Variants in IL3RA observed in about 807,000 individuals in gnomAD.
The protein encoded by IL3RA is interleukin 3 receptor subunit alpha.
Under a neutral mutation model 52.3 loss-of-function variants are expected in IL3RA, and 73 were observed. That is an observed-to-expected ratio of 1.40 (90% CI 1.16 to 1.70). IL3RA has a LOEUF of 1.70. IL3RA is among the 40% of genes most tolerant of loss of function. IL3RA has a pLI of 0.00. For missense variants in IL3RA, 664 were observed against 504.4 expected (o/e 1.32, Z -3.03); for synonymous variants, 260 against 194.0 (o/e 1.34, Z -2.83).
At chrX:1,376,623 C>G (rs1429687805) in intron 9 of IL3RA, among the ~76,000 whole-genome samples, 10 of 149,156 alleles carry the variant, frequency 6.7e-5, no homozygotes, top group Non-Finnish European at 4.4e-5. Flanking sequence ...CACGGAGGAA[C>G]AACCCTGTGA....
Position 1,381,072 on chromosome X carries a change from C to G in IL3RA, c.1030C>G (p.Pro344Ala). ...TCCCCGCATCCCTCACATGAAAGACCCCATCGGTGACAGCTTCCAAAACGA... is the reference window on the plus strand; with the variant it reads ...TCCCCGCATCCCTCACATGAAAGACGCCATCGGTGACAGCTTCCAAAACGA... ...LFPRIPHMKD[P>A]IGDSFQNDKL... Residue 344 changes from proline (P) to alanine (A), a missense_variant, in exon 11 of 12, where the codon CCC becomes GCC. Physicochemically the swap from Pro to Ala is conservative, Grantham distance 27. Coordinates refer to ENST00000331035, the MANE Select transcript of IL3RA (RefSeq NM_002183.4). The G allele has an allele frequency of 1.9e-6, 3 of 1,613,808 alleles. No homozygotes were observed. The highest frequency in any genetic ancestry group is 2.5e-6 in the Non-Finnish European group (3 of 1,179,792).
chrX:1,363,920 C>A (rs1482326746), intron 8 of IL3RA, among the ~76,000 whole-genome samples: 1 of 151,862 alleles, frequency 6.6e-6, no homozygotes, highest in South Asian at 2.1e-4. Context: ...CGGTGGCTCA[C>A]GCTGGTAATC....
intron 5 of IL3RA, 41 bp downstream of exon 5, chrX:1,352,273 C>A (rs758461410): frequency 3.0e-5 from 48 of 1,612,882 alleles, no homozygotes; most frequent in Non-Finnish European, 4.1e-5. Flanking sequence ...GTCCCTGGTG[C>A]GGGTGCCATC....
intron 6 of IL3RA, among the ~76,000 whole-genome samples, chrX:1,354,978 A>AAGGTGG (rs199770508): frequency 0.62 from 307 of 494 alleles, 105 homozygotes; most frequent in Middle Eastern, 1. Flanking sequence ...TGGGGGGAGG[A>AAGGTGG]AGGGGGAGGA....
chrX:1,339,449 T>C (rs1350755715), intron 1 of IL3RA, among the ~76,000 whole-genome samples: 1 of 152,142 alleles, frequency 6.6e-6, no homozygotes, highest in Non-Finnish European at 1.5e-5. Context: ...CCCTTCCATT[T>C]ATAATTTGGA....
intron 1 of IL3RA, among the ~76,000 whole-genome samples, chrX:1,338,809 G>GTT (rs34889196): frequency 6.0e-5 from 9 of 151,242 alleles, no homozygotes; most frequent in South Asian, 4.2e-4. Context: ...AGAAGTGGTG[G>GTT]TTTTTTTTGA....
intron 9 of IL3RA, among the ~76,000 whole-genome samples, chrX:1,367,801 G>T (rs1291390559): frequency 6.9e-6 from 1 of 144,138 alleles, no homozygotes; most frequent in Non-Finnish European, 1.5e-5. Flanking sequence ...GGGGTGCGCC[G>T]GGTGAGCGGG....
chrX:1,380,275 G>A (rs1273451051), intron 10 of IL3RA, among the ~76,000 whole-genome samples: 12 of 149,770 alleles, frequency 8.0e-5, no homozygotes, highest in Admixed American at 3.4e-4. Context: ...TGATCTGCCC[G>A]CCTGGGCCTC....
intron 6 of IL3RA, among the ~76,000 whole-genome samples, chrX:1,353,724 C>T (rs1330889499): frequency 1.5e-5 from 2 of 131,616 alleles, no homozygotes; most frequent in African/African-American, 6.1e-5. Context: ...TGGGTTCCAT[C>T]ATGGGTCATG....
intron 4 of IL3RA, among the ~76,000 whole-genome samples, chrX:1,351,779 A>C (rs1469238355): frequency 2.0e-5 from 3 of 149,416 alleles, no homozygotes; most frequent in Non-Finnish European, 3.0e-5. Context: ...CAGCGGCCCG[A>C]CATCACACCT....
chrX:1,368,587 T>C (rs2088365650), intron 9 of IL3RA, among the ~76,000 whole-genome samples: 2 of 152,096 alleles, frequency 1.3e-5, no homozygotes, highest in Non-Finnish European at 2.9e-5. Flanking sequence ...AGTTGGGGTG[T>C]TTAAAGAGGC....
chrX:1,351,947 T>C (rs1342961622), intron 4 of IL3RA, among the ~76,000 whole-genome samples, 153 bp from the exon 5 acceptor site: 3 of 151,974 alleles, frequency 2.0e-5, no homozygotes, highest in South Asian at 4.2e-4. Context: ...GCATTTTTAG[T>C]AGAGATTGGG....
chrX:1,342,163 TTTC>T (rs2085518851), intron 2 of IL3RA, among the ~76,000 whole-genome samples: 1 of 151,982 alleles, frequency 6.6e-6, no homozygotes, highest in South Asian at 2.1e-4. Context: ...ACTTTTTCAT[TTTC>T]TTATTATTTT....
At chrX:1,362,073 C>CCT (rs200801528) in intron 8 of IL3RA, among the ~76,000 whole-genome samples, 3,978 of 150,778 alleles carry the variant, frequency 0.026, 167 homozygotes, top group African/African-American at 0.091. Context: ...TCTCTGTCTC[C>CCT]GTTTCTATCT....
rs746096827 is a variant in IL3RA, at chrX:1,348,314, C to T, written c.184-117C>T. ...GCTGCAGTGAGCCGAGATCACGCCA[C>T]TGCACTCCAGCGTGGGCGACGAGAG... is the stretch of plus-strand genomic sequence containing the variant. On this transcript the variant is annotated intron_variant, in intron 3 of 11. Coordinates refer to ENST00000331035, the MANE Select transcript of IL3RA (RefSeq NM_002183.4). 26 of 795,290 alleles carry T rather than the reference C, an allele frequency of 3.3e-5. No homozygotes were observed. The East Asian group carries it at 3.7e-4, about 11-fold the overall frequency. The allele number at this position is 795,290 out of a possible 1,614,324, so 49.3% of individuals were successfully genotyped here. A position where few individuals can be genotyped will look rare whatever the true frequency, so the allele number is the denominator to read the frequency against.
chrX:1,346,216 A>C lies in IL3RA; in HGVS notation c.183+782A>C, dbSNP rs1354159627. On this transcript the variant is annotated intron_variant, in intron 3 of 11. Coordinates refer to ENST00000331035, the MANE Select transcript of IL3RA (RefSeq NM_002183.4). ...CACTTTGAGAGGCTGAGGCGGATGGATCACCTGGGGCCAGGAGTTCGAGAC... is the reference window on the plus strand; with the variant it reads ...CACTTTGAGAGGCTGAGGCGGATGGCTCACCTGGGGCCAGGAGTTCGAGAC... Among the ~76,000 whole-genome samples the C allele has an allele frequency of 1.8e-4, 28 of 152,000 alleles. 2 individuals are homozygous for C. The highest frequency in any genetic ancestry group is 6.0e-4 in the African/African-American group (25 of 41,342).
At chrX:1,356,026 C>T (rs1276870498) in intron 6 of IL3RA, among the ~76,000 whole-genome samples, 195 bp from the exon 7 acceptor site, 2 of 152,070 alleles carry the variant, frequency 1.3e-5, no homozygotes, top group African/African-American at 4.8e-5. Flanking sequence ...CCTCCCAGTG[C>T]CCCCAACGCG....
chrX:1,365,517 C>A (rs868398617), intron 9 of IL3RA, among the ~76,000 whole-genome samples: 9 of 16,702 alleles, frequency 5.4e-4, no homozygotes, highest in East Asian at 2.5e-3. Context: ...GAGCGGGGTG[C>A]GCGGGGTGAG....
rs769489994 is a variant in IL3RA at position 1,358,858 on chromosome X, C to A, written c.733-3C>A. 1 of 1,613,352 alleles carries A rather than the reference C, an allele frequency of 6.2e-7. No homozygotes were observed. The highest frequency in any genetic ancestry group is 1.3e-5 in the African/African-American group (1 of 74,944). ...CAAAAGTTTGCTTGCTTTTGTGTTG[C>A]AGAGAATGCAGCCTGTAATCACAGA... On this transcript the variant is annotated splice_polypyrimidine_tract_variant and splice_region_variant and intron_variant, in intron 7 of 11. Coordinates refer to ENST00000331035, the MANE Select transcript of IL3RA (RefSeq NM_002183.4).
Sources: gnomAD v4.1 joint callset for allele counts (sites outside exome capture counted in the v4.1 genomes callset) on GRCh38, gnomAD v4.1.1 for gene constraint, MANE v1.5 for transcripts, NCBI Gene and HGNC (gene_info 2026-07-23, HGNC 2026-07-21) for gene names.